Variants in BAZ1B observed in about 807,000 individuals in gnomAD.
The protein encoded by BAZ1B is tyrosine-protein kinase BAZ1B.
In BAZ1B, 22 loss-of-function variants were observed where a neutral mutation model predicts 153.8. That is an observed-to-expected ratio of 0.14 (90% CI 0.10 to 0.20). The LOEUF is 0.20. BAZ1B is among the 10% of genes least tolerant of loss of function. The pLI is 1.00. For synonymous variants in BAZ1B, 676 were observed against 633.4 expected, an observed-to-expected ratio of 1.07 and a Z score of -1.01; for missense variants, 1,325 against 1,799.3, an observed-to-expected ratio of 0.74 and a Z score of 4.77.
chr7:73,513,874 A>G (rs1326535582), intron 1 of BAZ1B, among the ~76,000 whole-genome samples: 1 of 146,966 alleles, frequency 6.8e-6, no homozygotes, highest in Non-Finnish European at 1.5e-5. Flanking sequence ...CTATTAAAAG[A>G]AAAAAAAAAA....
At chr7:73,462,529 T>C (rs1554570547) in intron 12 of BAZ1B, 5 of 244,422 alleles carry the variant, frequency 2.0e-5, no homozygotes, top group Non-Finnish European at 4.0e-5. Context: ...CCAACATAAA[T>C]AGAAATCTGA....
intron 7 of BAZ1B, among the ~76,000 whole-genome samples, chr7:73,472,335 C>T (rs1448220764): frequency 1.3e-5 from 2 of 151,488 alleles, no homozygotes; most frequent in Non-Finnish European, 2.9e-5. Flanking sequence ...CTCGCCTCAC[C>T]GCAACCTCCG....
intron 9 of BAZ1B, among the ~76,000 whole-genome samples, chr7:73,468,602 C>T (rs183907063): frequency 6.6e-6 from 1 of 151,994 alleles, no homozygotes; most frequent in African/African-American, 2.4e-5. Context: ...GTGTGTGTTT[C>T]TTTTACAAAC....
intron 15 of BAZ1B, among the ~76,000 whole-genome samples, chr7:73,447,755 C>T (rs782793495): frequency 6.6e-6 from 1 of 152,226 alleles, no homozygotes; most frequent in Non-Finnish European, 1.5e-5. Flanking sequence ...CTGTCCCCAC[C>T]TCTGAGGTAG....
At chr7:73,521,251 TTTTCTGCCCCAGGG>T (rs1791026307) in intron 1 of BAZ1B, among the ~76,000 whole-genome samples, 1 of 152,008 alleles carries the variant, frequency 6.6e-6, no homozygotes, top group African/African-American at 2.4e-5. Flanking sequence ...TCATTCCTAG[TTTTCTGCCCCAGGG>T]TCCTGTCAGT....
chr7:73,460,334 T>C (rs1186939600), intron 12 of BAZ1B, among the ~76,000 whole-genome samples: 1 of 152,174 alleles, frequency 6.6e-6, no homozygotes, highest in Non-Finnish European at 1.5e-5. Flanking sequence ...CTACTATGTG[T>C]AAAATACAAT....
rs141412243 is a variant in BAZ1B, at chr7:73,459,542, T to C, written c.3426A>G (p.Glu1142=). The part of the protein sequence containing the change: ...EVDEEKKMVE[E]AKVASALEKW... ...ACTTATAACAACAAAATACCTTTGC[T>C]TCCTCTACCATTTTCTTCTCTTCAT... Residue 1142 remains glutamate (E), a synonymous_variant, in exon 13 of 20, where the codon GAA becomes GAG. Coordinates refer to ENST00000339594, the MANE Select transcript of BAZ1B (RefSeq NM_032408.4). The C allele has an allele frequency of 2.9e-3, 4,595 of 1,611,556 alleles. 9 individuals are homozygous for C. Among genetic ancestry groups the C allele is most frequent in the Non-Finnish European group, 3.6e-3 (4,304 of 1,179,414 alleles).
intron 7 of BAZ1B, among the ~76,000 whole-genome samples, chr7:73,473,491 T>G (rs972243347): frequency 6.6e-6 from 1 of 151,852 alleles, no homozygotes; most frequent in Non-Finnish European, 1.5e-5. Flanking sequence ...GAGGTGGAGG[T>G]TGCAGTGAGC....
At chr7:73,510,658 T>C (rs1563402820) in intron 2 of BAZ1B, 78 bp downstream of exon 2, 4 of 1,357,578 alleles carry the variant, frequency 2.9e-6, no homozygotes, top group South Asian at 2.4e-5. Context: ...TAAATACACA[T>C]ACTGCTTTAG....
chr7:73,442,136 T>G, intron 19 of BAZ1B, 45 bp downstream of exon 19: 3 of 573,484 alleles, frequency 5.2e-6, no homozygotes, highest in Non-Finnish European at 6.5e-6. Flanking sequence ...CTCGCTCGCC[T>G]CCCTCCCACC....
In BAZ1B at chr7:73,469,608, T is replaced by C; in HGVS notation, c.2775A>G (p.Glu925=). The change falls in exon 9 of 20, where the codon GAA becomes GAG. Residue 925 remains glutamate, a synonymous_variant. Transcript: ENST00000339594. ...CAATGCTGTCATGTACCCAGCCTTTTTCAATGAATAATCCTGGAACTTCAT... is the reference window on the plus strand; with the variant it reads ...CAATGCTGTCATGTACCCAGCCTTTCTCAATGAATAATCCTGGAACTTCAT... The part of the protein sequence containing the change: ...FSDEVPGLFI[E]KGWVHDSIDY... 2 of 1,614,158 alleles carry C rather than the reference T, an allele frequency of 1.2e-6. No homozygotes were observed. The highest frequency in any genetic ancestry group is 1.7e-6 in the Non-Finnish European group (2 of 1,180,002).
At chr7:73,485,659 A>C (rs1286997731) in intron 6 of BAZ1B, among the ~76,000 whole-genome samples, 3 of 151,984 alleles carry the variant, frequency 2.0e-5, no homozygotes, top group African/African-American at 7.2e-5. Flanking sequence ...GAGAATGATA[A>C]ACAAATATGA....
At chr7:73,462,061 C>T (rs1209317605) in intron 12 of BAZ1B, among the ~76,000 whole-genome samples, 2 of 152,170 alleles carry the variant, frequency 1.3e-5, no homozygotes, top group Non-Finnish European at 2.9e-5. Context: ...GCCAACATGC[C>T]CCGTCTCTAC....
At chr7:73,505,375 G>C (rs149427093) in intron 3 of BAZ1B, among the ~76,000 whole-genome samples, 1 of 152,142 alleles carries the variant, frequency 6.6e-6, no homozygotes, top group South Asian at 2.1e-4. Flanking sequence ...GAAAGTCTAG[G>C]TCTTGACAAT....
In BAZ1B at chr7:73,442,255, C is replaced by T; in HGVS notation, c.4393G>A (p.Glu1465Lys). The change falls in exon 19 of 20, where the codon GAA becomes AAA. Residue 1465 changes from glutamate (E) to lysine (K), a missense_variant. By Grantham distance (56) the Glu-to-Lys change is moderately conservative (BLOSUM62 1). Coordinates refer to ENST00000339594, the MANE Select transcript of BAZ1B (RefSeq NM_032408.4). ...KKFPDRLAED[E>K]GDSEPEAVGQ... The stretch of plus-strand genomic sequence containing the variant: ...ACGGCCTCTGGCTCACTGTCCCCTT[C>T]ATCTTCAGCAAGCCTATCAGGAAAC... 6.2e-7 allele frequency: 1 copy of T among 1,613,572 alleles called. No individual in the cohort carries two copies. Among genetic ancestry groups the T allele is most frequent in the Non-Finnish European group, 8.5e-7 (1 of 1,179,948 alleles).
At chr7:73,482,109 A>C (rs1160958337) in intron 6 of BAZ1B, among the ~76,000 whole-genome samples, 1 of 152,194 alleles carries the variant, frequency 6.6e-6, no homozygotes, top group East Asian at 1.9e-4. Flanking sequence ...CCATCCTTAG[A>C]ATGGGCTGAC....
chr7:73,469,487 A>C, intron 9 of BAZ1B, 30 bp downstream of exon 9: 1 of 1,611,682 alleles, frequency 6.2e-7, no homozygotes, highest in Non-Finnish European at 8.5e-7. Context: ...AGCAGGGTGA[A>C]ATAACTCTTA....
chr7:73,457,352 A>T (rs1474273614), intron 13 of BAZ1B, among the ~76,000 whole-genome samples: 1 of 151,618 alleles, frequency 6.6e-6, no homozygotes, highest in Non-Finnish European at 1.5e-5. Context: ...TAATTTTTGT[A>T]TTTTTAGTAG....
intron 1 of BAZ1B, among the ~76,000 whole-genome samples, chr7:73,517,432 C>A (rs2115617773): frequency 6.6e-6 from 1 of 151,736 alleles, no homozygotes; most frequent in East Asian, 1.9e-4. Flanking sequence ...AAGTTGGAGG[C>A]TGCAGTAAGC....
Sources: gnomAD v4.1 joint callset for allele counts (sites outside exome capture counted in the v4.1 genomes callset) on GRCh38, gnomAD v4.1.1 for gene constraint, MANE v1.5 for transcripts, NCBI Gene and HGNC (gene_info 2026-07-23, HGNC 2026-07-21) for gene names.